FGF12: variants seen among roughly 807,000 people sequenced by gnomAD.
FGF12 encodes fibroblast growth factor 12B.
In FGF12, 14 loss-of-function variants were observed where a neutral mutation model predicts 23.6. That is an observed-to-expected ratio of 0.59 (90% CI 0.39 to 0.93). The LOEUF (loss-of-function observed/expected upper bound fraction) is 0.93. Among genes scored for constraint, FGF12 ranks in the 40% least tolerant of loss-of-function variants. FGF12 has a pLI of 0.00. For missense variants in FGF12, 175 were observed against 217.8 expected (o/e 0.80, Z 1.24); for synonymous variants, 62 against 77.3 (o/e 0.80, Z 1.04).
intron 4 of FGF12, among the ~76,000 whole-genome samples, chr3:192,270,786 G>GGGAA (rs57509999): frequency 0.033 from 4,959 of 149,860 alleles, 125 homozygotes; most frequent in African/African-American, 0.066. Flanking sequence ...GAAGAAAAGT[G>GGGAA]GGAAGGAAGG....
At chr3:192,564,735 A>G (rs1387094143) in intron 2 of FGF12, among the ~76,000 whole-genome samples, 1 of 152,212 alleles carries the variant, frequency 6.6e-6, no homozygotes, top group East Asian at 1.9e-4. Flanking sequence ...TGAGCTTGAC[A>G]TTCTGCATTC....
intron 4 of FGF12, among the ~76,000 whole-genome samples, chr3:192,299,107 A>G (rs1267313490): frequency 1.3e-5 from 2 of 152,248 alleles, no homozygotes; most frequent in Admixed American, 6.5e-5. Context: ...CAAATATCCA[A>G]TCAATATCAG....
At chr3:192,233,969 T>C (rs574305915) in intron 4 of FGF12, among the ~76,000 whole-genome samples, 1 of 152,318 alleles carries the variant, frequency 6.6e-6, no homozygotes, top group African/African-American at 2.4e-5. Context: ...TGTCACCCTG[T>C]AATATAGTTT....
intron 2 of FGF12, among the ~76,000 whole-genome samples, chr3:192,384,521 T>A (rs1719960854): frequency 6.6e-6 from 1 of 152,144 alleles, no homozygotes; most frequent in Admixed American, 6.5e-5. Context: ...ATAGAACAGA[T>A]GTTAATTTGC....
rs1713382645 is a variant in FGF12 at position 192,141,513 on chromosome 3, A to T, written c.*2496T>A. The T allele has an allele frequency of 6.6e-6, 1 of 151,986 alleles. No individual in the cohort carries two copies. Among genetic ancestry groups the T allele is most frequent in the African/African-American group, 2.4e-5 (1 of 41,430 alleles). The allele number at this position is 151,986 out of a possible 1,614,324, so 9.4% of individuals were successfully genotyped here. A position where few individuals can be genotyped will look rare whatever the true frequency, so the allele number is the denominator to read the frequency against. On this transcript the variant is annotated 3_prime_UTR_variant, in exon 6 of 6. Transcript: ENST00000445105. ...GAAATAAGACAAAGCTAATTTCCAA[A>T]ACATTTTACTGCAGTGAACATTTGC...
chr3:192,387,894 T>C (rs1187044565), intron 2 of FGF12, among the ~76,000 whole-genome samples: 1 of 151,458 alleles, frequency 6.6e-6, no homozygotes, highest in Non-Finnish European at 1.5e-5. Context: ...CTCCAAAAAA[T>C]AAAAAGTAAC....
chr3:192,650,634 C>A (rs913837460), intron 2 of FGF12, among the ~76,000 whole-genome samples: 1 of 152,126 alleles, frequency 6.6e-6, no homozygotes, highest in African/African-American at 2.4e-5. Context: ...GACCTGTGTA[C>A]CTTTCAAATT....
At chr3:192,502,489 T>G (rs948881800) in intron 2 of FGF12, among the ~76,000 whole-genome samples, 2 of 152,236 alleles carry the variant, frequency 1.3e-5, no homozygotes, top group African/African-American at 4.8e-5. Context: ...GTAATGCTAC[T>G]TGGGCCAGAC....
chr3:192,246,958 A>T (rs1711635698), intron 4 of FGF12, among the ~76,000 whole-genome samples: 1 of 148,776 alleles, frequency 6.7e-6, no homozygotes, highest in South Asian at 2.2e-4. Context: ...AAGAAAAGGA[A>T]AGAGAGGGAG....
intron 2 of FGF12, among the ~76,000 whole-genome samples, chr3:192,647,781 C>T (rs536535652): frequency 6.7e-6 from 1 of 150,240 alleles, no homozygotes; most frequent in Non-Finnish European, 1.5e-5. Context: ...TATATATATA[C>T]ACACACGAAT....
chr3:192,346,571 A>C (rs1358027), intron 3 of FGF12, among the ~76,000 whole-genome samples: 35,395 of 152,006 alleles, frequency 0.23, 4,265 homozygotes, highest in Admixed American at 0.3. Context: ...GCTCTGGGAA[A>C]AGCTAGAAGG....
intron 2 of FGF12, among the ~76,000 whole-genome samples, chr3:192,710,523 A>G (rs1440754789): frequency 6.6e-6 from 1 of 152,224 alleles, no homozygotes; most frequent in Non-Finnish European, 1.5e-5. Flanking sequence ...CTGAGGTCCT[A>G]AGTCAGCAGT....
intron 4 of FGF12, among the ~76,000 whole-genome samples, chr3:192,263,438 G>A (rs1297268504): frequency 6.6e-6 from 1 of 151,386 alleles, no homozygotes; most frequent in Non-Finnish European, 1.5e-5. Context: ...TTCCCAGGTG[G>A]TTTATACATG....
intron 2 of FGF12, among the ~76,000 whole-genome samples, chr3:192,632,445 G>T (rs1276687029): frequency 5.9e-5 from 9 of 152,126 alleles, no homozygotes; most frequent in African/African-American, 2.2e-4. Flanking sequence ...ACAAAATTTT[G>T]TTGACATCAA....
At chr3:192,665,467 G>A (rs1429889414) in intron 2 of FGF12, among the ~76,000 whole-genome samples, 1 of 152,138 alleles carries the variant, frequency 6.6e-6, no homozygotes, top group African/African-American at 2.4e-5. Context: ...GCAGGGACAT[G>A]GATGAAGTTG....
chr3:192,294,384 C>T (rs1283759072), intron 4 of FGF12, among the ~76,000 whole-genome samples: 1 of 152,090 alleles, frequency 6.6e-6, no homozygotes, highest in Non-Finnish European at 1.5e-5. Context: ...CCAAAGGCCC[C>T]ATTTCCTAAA....
intron 4 of FGF12, among the ~76,000 whole-genome samples, chr3:192,237,561 G>C (rs943438827): frequency 6.6e-6 from 1 of 152,066 alleles, no homozygotes; most frequent in Non-Finnish European, 1.5e-5. Context: ...TTGTCTGCCT[G>C]CATTGATTCC....
At chr3:192,699,086 C>T (rs753498579) in intron 2 of FGF12, among the ~76,000 whole-genome samples, 7 of 152,112 alleles carry the variant, frequency 4.6e-5, no homozygotes, top group Non-Finnish European at 7.4e-5. Flanking sequence ...CAGTGTTTCC[C>T]GATAAATCCT....
chr3:192,262,355 A>G (rs116439574), intron 4 of FGF12, among the ~76,000 whole-genome samples: 2,894 of 152,256 alleles, frequency 0.019, 72 homozygotes, highest in African/African-American at 0.055. Context: ...TGTTGTCTCC[A>G]TTGCATGTTA....
Sources: allele counts gnomAD v4.1 joint callset (sites outside exome capture counted in the v4.1 genomes callset), GRCh38; gene constraint gnomAD v4.1.1; transcripts MANE v1.5; gene names NCBI Gene and HGNC (gene_info 2026-07-23, HGNC 2026-07-21).